Variants in SYNDIG1 observed in about 807,000 individuals in gnomAD.
SYNDIG1 encodes synapse differentiation-inducing gene protein 1.
In SYNDIG1, 9 loss-of-function variants were observed where a neutral mutation model predicts 19.4. The ratio of observed to expected loss-of-function variants is 0.46; its 90% CI spans 0.28 to 0.81. The LOEUF (loss-of-function observed/expected upper bound fraction) is 0.81. SYNDIG1 is among the 30% of genes least tolerant of loss of function. The pLI, the probability that SYNDIG1 is intolerant of heterozygous loss-of-function variation, is 0.12. For synonymous variants in SYNDIG1, 141 were observed against 145.9 expected (o/e 0.97, Z 0.24); for missense variants, 311 against 343.3 (o/e 0.91, Z 0.74).
intron 1 of SYNDIG1, among the ~76,000 whole-genome samples, chr20:24,488,066 A>G (rs1211308122): frequency 6.6e-6 from 1 of 152,166 alleles, no homozygotes; most frequent in African/African-American, 2.4e-5. Context: ...ATTTTAACCC[A>G]CCAACTCTTA....
At chr20:24,538,919 A>G (rs1270752950) in intron 1 of SYNDIG1, among the ~76,000 whole-genome samples, 2 of 152,090 alleles carry the variant, frequency 1.3e-5, no homozygotes, top group African/African-American at 4.8e-5. Context: ...AGAAATTTCT[A>G]TTCAAGACCT....
At chr20:24,490,451 G>A (rs2056113664) in intron 1 of SYNDIG1, among the ~76,000 whole-genome samples, 1 of 152,170 alleles carries the variant, frequency 6.6e-6, no homozygotes, top group Admixed American at 6.5e-5. Flanking sequence ...GCTGGAGTGG[G>A]CAGTGGAAGG....
At chr20:24,471,971 A>G (rs1446724454) in intron 1 of SYNDIG1, among the ~76,000 whole-genome samples, 1 of 152,208 alleles carries the variant, frequency 6.6e-6, no homozygotes, top group East Asian at 1.9e-4. Flanking sequence ...AAAAATACAA[A>G]ATCACTTTGA....
chr20:24,477,419 T>C (rs555974589), intron 1 of SYNDIG1, among the ~76,000 whole-genome samples: 2 of 152,282 alleles, frequency 1.3e-5, no homozygotes, highest in Non-Finnish European at 1.5e-5. Flanking sequence ...TTGATTGTCT[T>C]CAGTCACCTA....
At chr20:24,646,930 T>C (rs2059428029) in intron 3 of SYNDIG1, among the ~76,000 whole-genome samples, 1 of 152,164 alleles carries the variant, frequency 6.6e-6, no homozygotes, top group South Asian at 2.1e-4. Context: ...TGATGCTCAG[T>C]CTTGAATTTT....
chr20:24,627,455 C>T (rs913012809), intron 3 of SYNDIG1, among the ~76,000 whole-genome samples: 1 of 152,124 alleles, frequency 6.6e-6, no homozygotes, highest in African/African-American at 2.4e-5. Flanking sequence ...TAGGGTGAGG[C>T]CTGGGTGCTT....
chr20:24,596,463 C>A (rs1209415813), intron 3 of SYNDIG1, among the ~76,000 whole-genome samples: 1 of 152,126 alleles, frequency 6.6e-6, no homozygotes, highest in African/African-American at 2.4e-5. Context: ...ACTGCAACCT[C>A]CATCTCCCGG....
At chr20:24,547,973 C>G (rs2057615128) in intron 2 of SYNDIG1, among the ~76,000 whole-genome samples, 1 of 152,192 alleles carries the variant, frequency 6.6e-6, no homozygotes, top group Non-Finnish European at 1.5e-5. Context: ...ACGGTCACCA[C>G]CTAGAAGCGG....
chr20:24,516,241 C>T (rs1445057985), intron 1 of SYNDIG1, among the ~76,000 whole-genome samples: 3 of 152,146 alleles, frequency 2.0e-5, no homozygotes, highest in African/African-American at 7.2e-5. Flanking sequence ...AGAAGAAAAC[C>T]TAGGCAATAC....
At chr20:24,556,126 AC>A (rs1409340113) in intron 2 of SYNDIG1, among the ~76,000 whole-genome samples, 1 of 151,722 alleles carries the variant, frequency 6.6e-6, no homozygotes, top group Non-Finnish European at 1.5e-5. Context: ...TAGGATTGCA[AC>A]CCCTGCCTTT....
intron 2 of SYNDIG1, among the ~76,000 whole-genome samples, chr20:24,555,025 A>G (rs1435491648): frequency 6.6e-6 from 1 of 152,158 alleles, no homozygotes. Context: ...TTCCTGGTTT[A>G]GTCTTGGGAG....
intron 3 of SYNDIG1, among the ~76,000 whole-genome samples, chr20:24,640,348 TGAGAGC>T (rs1387529018): frequency 3.1e-5 from 4 of 127,348 alleles, no homozygotes; most frequent in African/African-American, 8.6e-5. Flanking sequence ...AGAGAGACAT[TGAGAGC>T]GAGAGAGAGA....
At chr20:24,479,979 C>T (rs184221625) in intron 1 of SYNDIG1, among the ~76,000 whole-genome samples, 25 of 152,348 alleles carry the variant, frequency 1.6e-4, no homozygotes, top group Admixed American at 5.2e-4. Flanking sequence ...TGCCTGCACA[C>T]ACACACACTC....
At chr20:24,594,935 T>G (rs2058573814) in intron 3 of SYNDIG1, among the ~76,000 whole-genome samples, 1 of 152,246 alleles carries the variant, frequency 6.6e-6, no homozygotes, top group Admixed American at 6.5e-5. Context: ...TGGGTTTTTC[T>G]AAGTATAGAA....
chr20:24,513,884 G>T (rs184475470), intron 1 of SYNDIG1, among the ~76,000 whole-genome samples: 2 of 152,092 alleles, frequency 1.3e-5, no homozygotes, highest in Non-Finnish European at 2.9e-5. Context: ...AGAAAGGTCG[G>T]GTTACCCACA....
chr20:24,595,625 C>T (rs1333643808), intron 3 of SYNDIG1, among the ~76,000 whole-genome samples: 1 of 152,126 alleles, frequency 6.6e-6, no homozygotes, highest in African/African-American at 2.4e-5. Context: ...GCCATATAGT[C>T]CTTTCCAGTT....
chr20:24,639,248 A>G (rs2059348003), intron 3 of SYNDIG1, among the ~76,000 whole-genome samples: 1 of 152,216 alleles, frequency 6.6e-6, no homozygotes, highest in South Asian at 2.1e-4. Context: ...GCGAACAAGG[A>G]AAGCACATCT....
chr20:24,493,941 G>A (rs1600427464), intron 1 of SYNDIG1, among the ~76,000 whole-genome samples: 1 of 152,202 alleles, frequency 6.6e-6, no homozygotes, highest in African/African-American at 2.4e-5. Context: ...CCAACGTGTG[G>A]AGGCCCAGAG....
At chr20:24,519,234 C>A (rs1447689153) in intron 1 of SYNDIG1, among the ~76,000 whole-genome samples, 2 of 152,150 alleles carry the variant, frequency 1.3e-5, no homozygotes, top group Admixed American at 1.3e-4. Flanking sequence ...CAAGATGGAC[C>A]ACGATACTGT....
Sources: gnomAD v4.1 joint callset for allele counts (sites outside exome capture counted in the v4.1 genomes callset) on GRCh38, gnomAD v4.1.1 for gene constraint, MANE v1.5 for transcripts, NCBI Gene and HGNC (gene_info 2026-07-23, HGNC 2026-07-21) for gene names.